CDKAL1: variants seen among roughly 807,000 people sequenced by gnomAD.
CDKAL1 encodes threonylcarbamoyladenosine tRNA methylthiotransferase.
Under a neutral mutation model 68.2 loss-of-function variants are expected in CDKAL1, and 32 were observed. The observed-to-expected ratio is 0.47, with a 90% CI of 0.35 to 0.63. The LOEUF is 0.63. CDKAL1 is among the 30% of genes least tolerant of loss of function. CDKAL1 has a pLI of 0.00. For synonymous variants in CDKAL1, 234 were observed against 244.3 expected (o/e 0.96, Z 0.39); for missense variants, 606 against 696.7 (o/e 0.87, Z 1.47).
chr6:21,198,146 G>GA (rs1159819691), intron 14 of CDKAL1, 42 bp downstream of exon 14: 1 of 1,351,236 alleles, frequency 7.4e-7, no homozygotes, highest in African/African-American at 1.5e-5. Flanking sequence ...TCCAAAGTGA[G>GA]AAAGAGTTCT....
At chr6:20,912,029 A>G (rs1467426226) in intron 9 of CDKAL1, among the ~76,000 whole-genome samples, 2 of 152,196 alleles carry the variant, frequency 1.3e-5, no homozygotes, top group Non-Finnish European at 2.9e-5. Context: ...ACCACCCAAT[A>G]GTTTGCTAGT....
At chr6:20,673,119 T>C (rs1769928296) in intron 5 of CDKAL1, among the ~76,000 whole-genome samples, 1 of 152,116 alleles carries the variant, frequency 6.6e-6, no homozygotes, top group African/African-American at 2.4e-5. Context: ...GAACTGATAG[T>C]TTTAGGAGGT....
intron 5 of CDKAL1, among the ~76,000 whole-genome samples, chr6:20,688,561 C>T (rs1435945366): frequency 6.6e-6 from 1 of 152,090 alleles, no homozygotes; most frequent in Non-Finnish European, 1.5e-5. Flanking sequence ...AGTCATTCTT[C>T]ATTTCCGTTA....
chr6:21,127,015 C>T (rs551246387), intron 13 of CDKAL1, among the ~76,000 whole-genome samples: 3 of 152,274 alleles, frequency 2.0e-5, no homozygotes, highest in Admixed American at 2.0e-4. Context: ...CTTTCAAATA[C>T]GAAGAAGAGA....
In CDKAL1 at chr6:20,871,161, G is replaced by T. The variant is rs185219886; in HGVS notation, c.742+24983G>T. On this transcript the variant is annotated intron_variant, in intron 9 of 15. Transcript: ENST00000274695. ...TTCTCATGATGATATTTTTAAATGT[G>T]TAAAATAAAATTCATAGGATTAAAA... Among the ~76,000 whole-genome samples, 325 of 152,210 alleles carry T rather than the reference G, an allele frequency of 2.1e-3. 3 individuals carry two copies. The highest frequency in any genetic ancestry group is 7.4e-3 in the African/African-American group (308 of 41,540).
intron 5 of CDKAL1, among the ~76,000 whole-genome samples, chr6:20,661,965 G>A (rs1468612079): frequency 6.6e-6 from 1 of 152,096 alleles, no homozygotes; most frequent in African/African-American, 2.4e-5. Context: ...TGCTTTAGCA[G>A]GATTAAAGAA....
At chr6:20,821,407 C>T (rs1398665630) in intron 8 of CDKAL1, among the ~76,000 whole-genome samples, 2 of 152,038 alleles carry the variant, frequency 1.3e-5, no homozygotes, top group Non-Finnish European at 2.9e-5. Flanking sequence ...CTGTCCTGGG[C>T]CCAATCTGAT....
chr6:20,697,777 C>T (rs76251976), intron 5 of CDKAL1, among the ~76,000 whole-genome samples: 1,859 of 152,262 alleles, frequency 0.012, 26 homozygotes, highest in South Asian at 0.053. Flanking sequence ...AAGTTTCAGA[C>T]GAGTGAGCTA....
intron 11 of CDKAL1, among the ~76,000 whole-genome samples, chr6:21,008,321 A>G (rs1442024065): frequency 2.6e-5 from 4 of 152,198 alleles, no homozygotes; most frequent in African/African-American, 9.6e-5. Context: ...TGGAAGGGTA[A>G]GAACAGAAGT....
rs1360679383 is a variant in CDKAL1, at chr6:20,542,349, A to C, written c.-5-3997A>C. ...CTAAGTAGGTAGTAGAGTACCACAC[A>C]GTGCGTGGGCTTGGACTCATCTGTC... On this transcript the variant is annotated intron_variant, in intron 2 of 15. Transcript: ENST00000274695. Among the ~76,000 whole-genome samples the C allele has an allele frequency of 2.0e-5, 3 of 152,326 alleles. No homozygotes were observed. The East Asian group carries it at 5.8e-4, about 29-fold the overall frequency.
chr6:21,013,937 G>A (rs142137842), intron 11 of CDKAL1, among the ~76,000 whole-genome samples: 2 of 152,208 alleles, frequency 1.3e-5, no homozygotes, highest in South Asian at 2.1e-4. Flanking sequence ...TAGCAATCTT[G>A]TGCTGGTGGA....
chr6:21,099,625 A>C (rs1016897882), intron 12 of CDKAL1, among the ~76,000 whole-genome samples: 3 of 152,218 alleles, frequency 2.0e-5, no homozygotes, highest in African/African-American at 7.2e-5. Context: ...GTCAGTTAGA[A>C]GGGCAGAGTG....
chr6:20,706,371 C>A (rs1039475921), intron 5 of CDKAL1, among the ~76,000 whole-genome samples: 2 of 152,112 alleles, frequency 1.3e-5, no homozygotes, highest in Non-Finnish European at 2.9e-5. Context: ...TTTAGGCTTC[C>A]CGCCAACCCT....
At chr6:20,623,860 C>G (rs2127735381) in intron 4 of CDKAL1, among the ~76,000 whole-genome samples, 1 of 152,138 alleles carries the variant, frequency 6.6e-6, no homozygotes, top group South Asian at 2.1e-4. Flanking sequence ...TACTTAAGCC[C>G]AGGTTCTTCA....
At chr6:21,064,947 A>C (rs551761915) in intron 11 of CDKAL1, 101 bp from the exon 12 acceptor site, 48 of 716,468 alleles carry the variant, frequency 6.7e-5, no homozygotes, top group Non-Finnish European at 9.9e-5. Flanking sequence ...TTTTATAAAA[A>C]TAAATTTTAA....
intron 13 of CDKAL1, among the ~76,000 whole-genome samples, chr6:21,118,597 A>G (rs1407448539): frequency 1.3e-5 from 2 of 152,222 alleles, no homozygotes; most frequent in East Asian, 3.8e-4. Context: ...TACAGTTAGC[A>G]TTTATTGCAC....
chr6:20,967,843 C>T (rs1027691492), intron 10 of CDKAL1, among the ~76,000 whole-genome samples: 14 of 152,274 alleles, frequency 9.2e-5, no homozygotes, highest in African/African-American at 2.2e-4. Flanking sequence ...GACTTAATTT[C>T]GTCTTCATTT....
In CDKAL1 at chr6:21,018,085, A is replaced by G. The variant is rs16884389; in HGVS notation, c.1055+17713A>G. Among the ~76,000 whole-genome samples the G allele has an allele frequency of 5.8e-3, 886 of 152,292 alleles. 9 individuals are homozygous for G. Among genetic ancestry groups the G allele is most frequent in the African/African-American group, 0.019 (804 of 41,558 alleles). On this transcript the variant is annotated intron_variant, in intron 11 of 15. Coordinates refer to ENST00000274695, the MANE Select transcript of CDKAL1 (RefSeq NM_017774.3). ...GCAGGGGTCAATCAGGAGGCTCTGC[A>G]TTCTCTGTACAGTCTCCCTGGGGTA...
intron 7 of CDKAL1, among the ~76,000 whole-genome samples, chr6:20,773,351 A>G (rs1457801056): frequency 6.6e-6 from 1 of 152,196 alleles, no homozygotes; most frequent in Non-Finnish European, 1.5e-5. Flanking sequence ...AACTTTGACT[A>G]CACTTTTGTT....
Sources: allele counts gnomAD v4.1 joint callset (sites outside exome capture counted in the v4.1 genomes callset), GRCh38; gene constraint gnomAD v4.1.1; transcripts MANE v1.5; gene names NCBI Gene and HGNC (gene_info 2026-07-23, HGNC 2026-07-21).